IL1RAPL1: variants seen among roughly 807,000 people sequenced by gnomAD.
IL1RAPL1 encodes interleukin-1 receptor accessory protein-like 1.
IL1RAPL1 carries 3 observed loss-of-function variants against 48.4 expected under a neutral mutation model. That is an observed-to-expected ratio of 0.06 (90% confidence interval 0.03 to 0.16). The LOEUF (loss-of-function observed/expected upper bound fraction) is 0.16, where lower values mean the gene tolerates loss of function less well. IL1RAPL1 is among the 10% of genes least tolerant of loss of function. The pLI is 1.00. For missense variants in IL1RAPL1, 349 were observed against 530.6 expected, an observed-to-expected ratio of 0.66 and a Z score of 3.36; for synonymous variants, 185 against 187.7, an observed-to-expected ratio of 0.99 and a Z score of 0.12.
chrX:29,399,608 C>A (rs1433259675), intron 5 of IL1RAPL1, among the ~76,000 whole-genome samples: 1 of 111,144 alleles, frequency 9.0e-6, no homozygotes, highest in Admixed American at 9.6e-5. Flanking sequence ...ATCACGAGGT[C>A]AGGGGTTCAG....
intron 6 of IL1RAPL1, among the ~76,000 whole-genome samples, chrX:29,719,320 G>C (rs1279838543): frequency 9.0e-6 from 1 of 111,296 alleles, no homozygotes; most frequent in Non-Finnish European, 1.9e-5. Flanking sequence ...TTATGTTATG[G>C]GAATGTAAAA....
intron 6 of IL1RAPL1, among the ~76,000 whole-genome samples, chrX:29,766,406 AAT>A (rs57656353): frequency 7.4e-5 from 7 of 94,672 alleles, no homozygotes; most frequent in East Asian, 3.1e-4. Context: ...TATATATCCA[AAT>A]ATATATATAT....
chrX:29,112,003 T>C lies in IL1RAPL1; in HGVS notation c.83-170935T>C, dbSNP rs766734271. Among the ~76,000 whole-genome samples the C allele has an allele frequency of 2.0e-4, 21 of 104,608 alleles. 1 individual carries two copies. Among genetic ancestry groups the C allele is most frequent in the African/African-American group, 6.3e-4 (18 of 28,590 alleles). The allele number at this position is 104,608 out of a possible 115,157, so 90.8% of individuals were successfully genotyped here. On this transcript the variant is annotated intron_variant, in intron 2 of 10. Transcript: ENST00000378993. Reference sequence around the variant, plus strand: ...GGAGTACAGTGGCGCCATCTTGGCTTACTGCAACCTCCATCTCTCAGGTTC... The same window carrying C: ...GGAGTACAGTGGCGCCATCTTGGCTCACTGCAACCTCCATCTCTCAGGTTC...
intron 3 of IL1RAPL1, among the ~76,000 whole-genome samples, chrX:29,286,784 T>A (rs765172366): frequency 8.9e-6 from 1 of 112,108 alleles, no homozygotes; most frequent in South Asian, 3.7e-4. Flanking sequence ...TATTAGCAGT[T>A]TCATATGCAA....
At chrX:28,622,011 G>A (rs759996977) in intron 1 of IL1RAPL1, among the ~76,000 whole-genome samples, 22 of 111,303 alleles carry the variant, frequency 2.0e-4, no homozygotes, top group Non-Finnish European at 3.6e-4. Flanking sequence ...TTGCTTTAAT[G>A]TGCTTTCTTT....
At chrX:28,914,742 A>G (rs762226644) in intron 2 of IL1RAPL1, among the ~76,000 whole-genome samples, 1 of 112,733 alleles carries the variant, frequency 8.9e-6, no homozygotes, top group Admixed American at 9.4e-5. Context: ...GATGTTTTCA[A>G]TGTTGCTGCC....
At chrX:29,050,853 C>G (rs1927077709) in intron 2 of IL1RAPL1, among the ~76,000 whole-genome samples, 1 of 112,146 alleles carries the variant, frequency 8.9e-6, no homozygotes, top group Non-Finnish European at 1.9e-5. Context: ...ATCTGAAAAG[C>G]AATCCATGTA....
At chrX:28,808,517 A>C (rs1936756797) in intron 2 of IL1RAPL1, among the ~76,000 whole-genome samples, 1 of 111,141 alleles carries the variant, frequency 9.0e-6, no homozygotes, top group South Asian at 3.7e-4. Flanking sequence ...ATATAAATGC[A>C]TGTTTTACTA....
intron 5 of IL1RAPL1, among the ~76,000 whole-genome samples, chrX:29,639,842 A>C (rs184219459): frequency 1.5e-4 from 17 of 111,886 alleles, no homozygotes; most frequent in Non-Finnish European, 3.0e-4. Context: ...TTAGATATGC[A>C]TCAGCGGGTG....
At chrX:29,699,134 G>A (rs1926989188) in intron 6 of IL1RAPL1, among the ~76,000 whole-genome samples, 1 of 112,291 alleles carries the variant, frequency 8.9e-6, no homozygotes, top group African/African-American at 3.2e-5. Context: ...AATTATGAAA[G>A]GATTTACAAT....
chrX:29,207,020 C>T (rs753202698), intron 2 of IL1RAPL1, among the ~76,000 whole-genome samples: 85 of 111,498 alleles, frequency 7.6e-4, no homozygotes, highest in African/African-American at 2.7e-3. Context: ...AGTCCTCACC[C>T]CAAGGGCTAG....
intron 2 of IL1RAPL1, among the ~76,000 whole-genome samples, chrX:28,949,275 G>C (rs779183988): frequency 2.0e-5 from 2 of 98,494 alleles, no homozygotes; most frequent in Admixed American, 1.1e-4. Context: ...GGTGTTTTTT[G>C]TTTTTTTTTT....
At chrX:29,539,681 T>G (rs1463307690) in intron 5 of IL1RAPL1, among the ~76,000 whole-genome samples, 1 of 110,585 alleles carries the variant, frequency 9.0e-6, no homozygotes, top group East Asian at 2.8e-4. Context: ...GCGTAGCACC[T>G]CCCCGTCTCT....
chrX:29,754,844 G>C (rs1928573028), intron 6 of IL1RAPL1, among the ~76,000 whole-genome samples: 1 of 112,522 alleles, frequency 8.9e-6, no homozygotes, highest in Admixed American at 9.4e-5. Flanking sequence ...ACATTTAATG[G>C]CTTAAAACAA....
intron 6 of IL1RAPL1, among the ~76,000 whole-genome samples, chrX:29,877,686 T>C (rs1931936747): frequency 8.9e-6 from 1 of 111,820 alleles, no homozygotes; most frequent in African/African-American, 3.2e-5. Context: ...CATTAACCGA[T>C]AGAACGAGTA....
chrX:29,865,869 C>T (rs1464747091), intron 6 of IL1RAPL1, among the ~76,000 whole-genome samples: 1 of 103,764 alleles, frequency 9.6e-6, no homozygotes. Context: ...AGACTGGTCT[C>T]GAACTCCTGA....
chrX:28,847,511 A>G (rs1921541458), intron 2 of IL1RAPL1, among the ~76,000 whole-genome samples: 1 of 111,365 alleles, frequency 9.0e-6, no homozygotes, highest in Non-Finnish European at 1.9e-5. Context: ...AGTTGCTCAC[A>G]AGGTTCTCAT....
In IL1RAPL1 at chrX:29,908,089, G is replaced by GT. The variant is rs1158326950; in HGVS notation, c.779-9372dup. Among the ~76,000 whole-genome samples, 6 of 110,515 alleles carry GT rather than the reference G, an allele frequency of 5.4e-5. No homozygotes were observed. In the East Asian group the frequency reaches 1.7e-3, roughly 31 times the overall value. On this transcript the variant is annotated intron_variant, in intron 6 of 10. Coordinates refer to ENST00000378993, the MANE Select transcript of IL1RAPL1 (RefSeq NM_014271.4). ...TAAATTTATTGCTACAAATCATGTA[G>GT]TTTAAAAAAAACCCCTCAAATTTGC...
At chrX:29,208,669 C>A (rs769045778) in intron 2 of IL1RAPL1, among the ~76,000 whole-genome samples, 36 of 108,091 alleles carry the variant, frequency 3.3e-4, no homozygotes, top group African/African-American at 9.4e-4. Flanking sequence ...CGAGATCCCA[C>A]CACTGCACTC....
Sources: allele counts gnomAD v4.1 joint callset (sites outside exome capture counted in the v4.1 genomes callset), GRCh38; gene constraint gnomAD v4.1.1; transcripts MANE v1.5; gene names NCBI Gene and HGNC (gene_info 2026-07-23, HGNC 2026-07-21).